The following SERPINB2 variants were observed in gnomAD, a reference collection of about 807,000 sequenced individuals.
SERPINB2 encodes the protein plasminogen activator inhibitor 2.
SERPINB2 carries 28 observed loss-of-function variants against 39.4 expected under a neutral mutation model. The observed-to-expected ratio is 0.71, with a 90% CI of 0.53 to 0.97. The LOEUF (loss-of-function observed/expected upper bound fraction) is 0.97, where lower values mean the gene tolerates loss of function less well. SERPINB2 is among the 50% of genes least tolerant of loss of function. SERPINB2 has a pLI of 0.00. For missense variants in SERPINB2, 557 were observed against 505.3 expected, an observed-to-expected ratio of 1.10 and a Z score of -0.98; for synonymous variants, 209 against 175.1, an observed-to-expected ratio of 1.19 and a Z score of -1.53.
In SERPINB2 at chr18:63,902,537, A is replaced by G. The variant is rs1330167999; in HGVS notation, c.812A>G (p.Glu271Gly). The G allele has an allele frequency of 8.7e-6, 14 of 1,613,464 alleles. No individual in the cohort carries two copies. The highest frequency in any genetic ancestry group is 1.2e-5 in the Non-Finnish European group (14 of 1,179,622). Residue 271 changes from glutamate to glycine, a missense_variant, in exon 7 of 8, where the codon GAA becomes GGA. Coordinates refer to ENST00000299502, the MANE Select transcript of SERPINB2 (RefSeq NM_002575.3). ...DVSMFLLLPD[E>G]IADVSTGLEL... is the part of the protein sequence containing the mutation. The stretch of plus-strand genomic sequence containing the variant: ...AGCATGTTCTTGTTGCTTCCAGATG[A>G]AATTGCCGATGTGTCCACTGGCTTG...
intron 1 of SERPINB2, among the ~76,000 whole-genome samples, chr18:63,888,124 T>A (rs2049904377): frequency 6.6e-6 from 1 of 152,240 alleles, no homozygotes; most frequent in South Asian, 2.1e-4. Context: ...AACAACTAGA[T>A]ACATTAAAAT....
intron 7 of SERPINB2, 30 bp from the exon 8 acceptor site, chr18:63,902,868 CTTT>C: frequency 6.6e-7 from 1 of 1,510,490 alleles, no homozygotes; most frequent in Non-Finnish European, 8.8e-7. Flanking sequence ...GCTGTATTTT[CTTT>C]TGTTTGTTTT....
Position 63,895,341 on chromosome 18 carries a change from G to A in SERPINB2, c.246G>A (p.Met82Ile). The change falls in exon 3 of 8, where the codon ATG becomes ATA. Residue 82 changes from methionine to isoleucine, a missense_variant. Physicochemically the swap from Met to Ile is conservative, Grantham distance 10. Transcript: ENST00000299502. The stretch of plus-strand genomic sequence containing the variant: ...AGAACTTTACCAGCTGTGGGTTCAT[G>A]CAGCAGATCCAGAAGGGTAGTTATC... ...TPENFTSCGF[M>I]QQIQKGSYPD... 1 of 1,614,152 alleles carries A rather than the reference G, an allele frequency of 6.2e-7. No individual in the cohort carries two copies. Among genetic ancestry groups the A allele is most frequent in the Non-Finnish European group, 8.5e-7 (1 of 1,180,000 alleles).
Position 63,903,245 on chromosome 18 carries a change from T to A in SERPINB2, c.1188T>A (p.Phe396Leu), listed in dbSNP as rs768563459. The change falls in exon 8 of 8, where the codon TTT becomes TTA. Residue 396 changes from phenylalanine to leucine, a missense_variant. Transcript: ENST00000299502. ...PQFVADHPFLFLIMHKITNCI... is the reference protein window; with the variant it reads ...PQFVADHPFLLLIMHKITNCI... ...TTGTGGCAGATCATCCTTTTCTTTT[T>A]CTTATTATGCATAAGATAACCAACT... is the stretch of plus-strand genomic sequence containing the variant. The A allele has an allele frequency of 6.3e-7, 1 of 1,593,964 alleles. No individual in the cohort carries two copies.
In SERPINB2 at chr18:63,903,847, A is replaced by C. The variant is rs1398043252; in HGVS notation, c.*542A>C. On this transcript the variant is annotated 3_prime_UTR_variant, in exon 8 of 8. Transcript: ENST00000299502. ...ATATATATGTCTGTATCTTATATTC[A>C]ATTGCAAGTATATAATAAATAAACC... The C allele has an allele frequency of 6.6e-6, 1 of 152,152 alleles. No homozygotes were observed. Among genetic ancestry groups the C allele is most frequent in the Non-Finnish European group, 1.5e-5 (1 of 68,026 alleles). The allele number at this position is 152,152 out of a possible 1,614,324, so 9.4% of individuals were successfully genotyped here.
intron 1 of SERPINB2, 107 bp from the exon 2 acceptor site, chr18:63,891,329 G>A (rs2049924341): frequency 2.7e-6 from 3 of 1,121,818 alleles, no homozygotes; most frequent in East Asian, 2.4e-5. Context: ...GAACAGACAG[G>A]GAATCTGTCC....
chr18:63,897,757 T>C lies in SERPINB2; in HGVS notation c.448T>C (p.Ser150Pro), dbSNP rs145098902. ...TATTCGACTCTGTCAGAAATATTACTCCTCAGAACCCCAGGCAGTAGACTT... is the reference window on the plus strand; with the variant it reads ...TATTCGACTCTGTCAGAAATATTACCCCTCAGAACCCCAGGCAGTAGACTT... ...EYIRLCQKYY[S>P]SEPQAVDFLE... The change falls in exon 5 of 8, where the codon TCC (serine) becomes CCC (proline). Residue 150 changes from serine to proline, a missense_variant. Coordinates refer to ENST00000299502, the MANE Select transcript of SERPINB2 (RefSeq NM_002575.3). The C allele has an allele frequency of 6.2e-6, 10 of 1,612,164 alleles. No homozygotes were observed. Among genetic ancestry groups the C allele is most frequent in the Non-Finnish European group, 8.5e-6 (10 of 1,178,486 alleles).
At chr18:63,895,511 C>A in intron 3 of SERPINB2, 128 bp downstream of exon 3, 2 of 1,184,692 alleles carry the variant, frequency 1.7e-6, no homozygotes, top group Non-Finnish European at 2.4e-6. Flanking sequence ...AAAACTAAGA[C>A]TCAGAGTCAT....
Position 63,894,264 on chromosome 18 carries a change from G to A in SERPINB2, c.169-1000G>A, listed in dbSNP as rs747287195. Among the ~76,000 whole-genome samples, 15 of 152,136 alleles carry A rather than the reference G, an allele frequency of 9.9e-5. No homozygotes were observed. In the South Asian group the frequency reaches 2.5e-3, roughly 25 times the overall value. ...GTCGTAGGAAATCTTCTTCTTTTAC[G>A]TGAGGGTGGAGTTGCACCACTTCTT... On this transcript the variant is annotated intron_variant, in intron 2 of 7. Transcript: ENST00000299502.
intron 2 of SERPINB2, among the ~76,000 whole-genome samples, chr18:63,892,916 T>C (rs2049935876): frequency 6.6e-6 from 1 of 152,064 alleles, no homozygotes; most frequent in Non-Finnish European, 1.5e-5. Flanking sequence ...AAACATCAGG[T>C]CTTAGGTTTT....
chr18:63,902,944 G>A lies in SERPINB2; in HGVS notation c.887G>A (p.Ser296Asn), dbSNP rs376370601. 5.3e-5 allele frequency: 86 copies of A among 1,612,864 alleles called. 3 individuals are homozygous for A. The highest frequency in any genetic ancestry group is 2.5e-4 in the Admixed American group (15 of 59,840). The part of the protein sequence containing the change: ...ITYDKLNKWT[S>N]KDKMAEDEVE... Reference sequence around the variant, plus strand: ...TATGACAAACTCAACAAGTGGACCAGCAAAGACAAAATGGCTGAAGATGAA... The same window carrying A: ...TATGACAAACTCAACAAGTGGACCAACAAAGACAAAATGGCTGAAGATGAA... Residue 296 changes from serine to asparagine, a missense_variant, in exon 8 of 8, where the codon AGC becomes AAC. Transcript: ENST00000299502.
intron 5 of SERPINB2, among the ~76,000 whole-genome samples, chr18:63,900,792 G>T (rs749677920): frequency 5.3e-5 from 8 of 152,012 alleles, no homozygotes; most frequent in Non-Finnish European, 1.2e-4. Flanking sequence ...CCAGAGTCAG[G>T]TCCCACCTCC....
intron 2 of SERPINB2, among the ~76,000 whole-genome samples, chr18:63,894,167 G>T (rs552548475): frequency 1.3e-5 from 2 of 152,108 alleles, no homozygotes; most frequent in African/African-American, 4.8e-5. Flanking sequence ...ATTCAGGAAG[G>T]CTTTAGTGCT....
At chr18:63,889,411 G>T (rs940034851) in intron 1 of SERPINB2, among the ~76,000 whole-genome samples, 20 of 151,950 alleles carry the variant, frequency 1.3e-4, no homozygotes, top group Admixed American at 2.0e-4. Flanking sequence ...CTGTTAGTTT[G>T]TCTTTAGAGT....
intron 1 of SERPINB2, among the ~76,000 whole-genome samples, chr18:63,889,470 C>A (rs1306958754): frequency 6.6e-6 from 1 of 151,892 alleles, no homozygotes; most frequent in Non-Finnish European, 1.5e-5. Context: ...ACAAAGAATC[C>A]GGTATGAATT....
intron 2 of SERPINB2, among the ~76,000 whole-genome samples, chr18:63,891,854 C>G (rs919112): frequency 0.73 from 110,588 of 152,290 alleles, 40,598 homozygotes; most frequent in Non-Finnish European, 0.77. Context: ...CAAGGCTGGA[C>G]ACAGTTATGA....
intron 7 of SERPINB2, 142 bp from the exon 8 acceptor site, chr18:63,902,759 A>C: frequency 9.0e-7 from 1 of 1,108,074 alleles, no homozygotes; most frequent in Non-Finnish European, 1.3e-6. Context: ...TCTTGTAAAA[A>C]TCTGACCAAT....
In SERPINB2 at chr18:63,897,130, C is replaced by G. The variant is rs1382347794; in HGVS notation, c.328C>G (p.Leu110Val). Residue 110 changes from leucine (L) to valine (V), a missense_variant, in exon 4 of 8, where the codon CTC becomes GTC. By Grantham distance (32) the Leu-to-Val change is conservative. Transcript: ENST00000299502. ...ADKIHSSFRS[L>V]SSAINASTGN... ...TAAAATCCATTCATCCTTCCGCTCT[C>G]TCAGCTCTGCAATCAATGCATCCAC... is the stretch of plus-strand genomic sequence containing the variant. The G allele has an allele frequency of 3.7e-6, 6 of 1,613,338 alleles. No homozygotes were observed. Among genetic ancestry groups the G allele is most frequent in the East Asian group, 4.5e-5 (2 of 44,850 alleles).
At chr18:63,895,791 C>G (rs899242362) in intron 3 of SERPINB2, among the ~76,000 whole-genome samples, 11 of 152,194 alleles carry the variant, frequency 7.2e-5, no homozygotes, top group African/African-American at 2.4e-4. Context: ...CATGAGAAAT[C>G]ACTGACCTTC....
Sources: gnomAD v4.1 joint callset for allele counts (sites outside exome capture counted in the v4.1 genomes callset) on GRCh38, gnomAD v4.1.1 for gene constraint, MANE v1.5 for transcripts, NCBI Gene and HGNC (gene_info 2026-07-23, HGNC 2026-07-21) for gene names.